RYR1: variants seen among roughly 807,000 people sequenced by gnomAD.
The protein encoded by RYR1 is ryanodine receptor 1, also known as central core disease of muscle.
RYR1 carries 342 observed loss-of-function variants against 583.5 expected under a neutral mutation model. The observed-to-expected ratio is 0.59, with a 90% CI of 0.54 to 0.64. The LOEUF is 0.64. RYR1 is among the 30% of genes least tolerant of loss of function. The pLI, the probability that RYR1 is intolerant of heterozygous loss-of-function variation, is 0.00. For synonymous variants in RYR1, 2,791 were observed against 2,822.5 expected, an observed-to-expected ratio of 0.99 and a Z score of 0.35; for missense variants, 6,032 against 6,917.2, an observed-to-expected ratio of 0.87 and a Z score of 4.54.
At chr19:38,514,928 C>A in intron 63 of RYR1, 98 bp from the exon 64 acceptor site, 2 of 794,012 alleles carry the variant, frequency 2.5e-6, no homozygotes, top group Non-Finnish European at 4.3e-6. Context: ...TCTGCTTGCT[C>A]TTCCCCACTG....
At chr19:38,533,083 G>A (rs1023790157) in intron 78 of RYR1, among the ~76,000 whole-genome samples, 1 of 151,954 alleles carries the variant, frequency 6.6e-6, no homozygotes. Context: ...GGATAAAGCA[G>A]CCCAAACAAG....
At position 38,537,902 on chromosome 19, in the gene RYR1, T is replaced by A; in HGVS notation, c.11631T>A (p.Asp3877Glu). ...TAGGAGAGAAGGTCATGGCGGATGA[T>A]GAATTCACACAAGACCTGTTCCGAT... ...RQNGEKVMADDEFTQDLFRFL... is the reference protein window; with the variant it reads ...RQNGEKVMADEEFTQDLFRFL... The change falls in exon 84 of 106, where the codon GAT becomes GAA. Residue 3877 changes from aspartate to glutamate, a missense_variant. Transcript: ENST00000359596. The A allele has an allele frequency of 6.2e-7, 1 of 1,614,004 alleles. No individual in the cohort carries two copies. The highest frequency in any genetic ancestry group is 8.5e-7 in the Non-Finnish European group (1 of 1,180,020).
At chr19:38,557,474 C>G (rs1972931020) in intron 89 of RYR1, among the ~76,000 whole-genome samples, 1 of 152,198 alleles carries the variant, frequency 6.6e-6, no homozygotes, top group South Asian at 2.1e-4. Context: ...GGCGGAAGGC[C>G]TTCTGCAGGA....
At chr19:38,443,933 C>T (rs529296606) in intron 5 of RYR1, 137 bp downstream of exon 5, 15 of 872,632 alleles carry the variant, frequency 1.7e-5, no homozygotes, top group African/African-American at 5.0e-5. Context: ...AGAGAGTCTG[C>T]GGTACAGTCC....
intron 29 of RYR1, among the ~76,000 whole-genome samples, chr19:38,476,418 C>T (rs1205511205): frequency 1.3e-5 from 2 of 152,146 alleles, no homozygotes; most frequent in African/African-American, 4.8e-5. Context: ...AGGCTGGTCT[C>T]AAACTCCTGA....
chr19:38,450,081 C>T (rs1289570932), intron 11 of RYR1, among the ~76,000 whole-genome samples: 1 of 152,094 alleles, frequency 6.6e-6, no homozygotes, highest in Admixed American at 6.6e-5. Flanking sequence ...AGATTTTGAG[C>T]AGGGCAGGGA....
At chr19:38,471,341 C>A (rs1259723078) in intron 27 of RYR1, among the ~76,000 whole-genome samples, 1 of 152,028 alleles carries the variant, frequency 6.6e-6, no homozygotes, top group African/African-American at 2.4e-5. Context: ...CCAGCCTGGG[C>A]AACATAGCAA....
rs1972808730 is a variant in RYR1 at position 38,443,810 on chromosome 19, AG to A, written c.424+18del. Reference sequence around the variant, plus strand: ...AGGACGCAACAGGTGCAGCAGCTGGAGGGGATGGGGGTGTGAAGGGGCCCCG... The same window carrying A: ...AGGACGCAACAGGTGCAGCAGCTGGAGGGATGGGGGTGTGAAGGGGCCCCG... On this transcript the variant is annotated intron_variant, in intron 5 of 105. Coordinates refer to ENST00000359596, the MANE Select transcript of RYR1 (RefSeq NM_000540.3). 3.1e-6 allele frequency: 5 copies of A among 1,613,720 alleles called. No individual in the cohort carries two copies. The East Asian group carries it at 1.1e-4, about 36-fold the overall frequency.
chr19:38,559,678 A>G (rs1364408225), intron 89 of RYR1, among the ~76,000 whole-genome samples: 1 of 152,094 alleles, frequency 6.6e-6, no homozygotes, highest in East Asian at 1.9e-4. Context: ...ATGATTTGCA[A>G]AGCATGTTAC....
chr19:38,512,637 T>C lies in RYR1; in HGVS notation c.9472+154T>C, dbSNP rs963386118. Among the ~76,000 whole-genome samples the C allele has an allele frequency of 2.6e-5, 4 of 151,816 alleles. No individual in the cohort carries two copies. Among genetic ancestry groups the C allele is most frequent in the African/African-American group, 9.7e-5 (4 of 41,316 alleles). ...AGTACCTTGGCAGGTGGCAAATGAG[T>C]TAATGAGGACGCGAGCTCAGCAGCT... On this transcript the variant is annotated intron_variant, in intron 63 of 105. Transcript: ENST00000359596. The surrounding 1 kb of genome is among the most constrained non-coding windows in gnomAD (Gnocchi z 5.1).
chr19:38,587,272 G>A, intron 105 of RYR1, 53 bp from the exon 106 acceptor site: 1 of 1,143,074 alleles, frequency 8.7e-7, no homozygotes, highest in Non-Finnish European at 1.3e-6. Context: ...ATATATATAT[G>A]TCTCAAGGGT....
intron 1 of RYR1, among the ~76,000 whole-genome samples, 163 bp from the exon 2 acceptor site, chr19:38,440,582 A>G (rs1054917718): frequency 6.6e-6 from 1 of 152,220 alleles, no homozygotes; most frequent in Non-Finnish European, 1.5e-5. Context: ...GCTGGCTTGT[A>G]TCTCAAGGAG....
chr19:38,448,872 G>A, intron 11 of RYR1, 59 bp downstream of exon 11: 2 of 1,514,660 alleles, frequency 1.3e-6, no homozygotes, highest in Admixed American at 3.7e-5. Context: ...GAGTCCAGGA[G>A]GTCAAGGCTG....
chr19:38,551,472 C>G (rs1420184962), intron 89 of RYR1, among the ~76,000 whole-genome samples: 3 of 152,026 alleles, frequency 2.0e-5, no homozygotes, highest in Non-Finnish European at 4.4e-5. Flanking sequence ...CAAAGTGCCC[C>G]ATGCCTTCCA....
intron 28 of RYR1, among the ~76,000 whole-genome samples, 188 bp downstream of exon 28, chr19:38,473,959 G>A (rs1968578980): frequency 6.6e-6 from 1 of 152,144 alleles, no homozygotes; most frequent in African/African-American, 2.4e-5. Flanking sequence ...ATGCCCTAAT[G>A]TCCCCAAGAA....
chr19:38,512,046 C>T lies in RYR1; in HGVS notation c.9173-26C>T, dbSNP rs1385306619. 9.9e-6 allele frequency: 16 copies of T among 1,609,770 alleles called. No homozygotes were observed. The East Asian group carries it at 3.3e-4, about 34-fold the overall frequency. On this transcript the variant is annotated intron_variant, in intron 61 of 105. Transcript: ENST00000359596. The surrounding 1 kb of genome is among the most constrained non-coding windows in gnomAD (Gnocchi z 5.1). The stretch of plus-strand genomic sequence containing the variant: ...TCCTCTGTCCTCTTAGCCATGGCAT[C>T]CCCCCGGCCCATCTTCCTCTCCCAG...
intron 83 of RYR1, 46 bp downstream of exon 83, chr19:38,536,813 C>T (rs749115630): frequency 1.3e-6 from 2 of 1,599,378 alleles, no homozygotes; most frequent in African/African-American, 2.7e-5. Flanking sequence ...GTCACCCACC[C>T]CTCCTAACCC....
At chr19:38,536,608 C>T (rs1357024067) in intron 82 of RYR1, 142 bp from the exon 83 acceptor site, 2 of 950,584 alleles carry the variant, frequency 2.1e-6, no homozygotes, top group South Asian at 1.4e-5. Context: ...CTCTGCCTTT[C>T]TCTCTGTGGG....
intron 89 of RYR1, among the ~76,000 whole-genome samples, chr19:38,549,142 C>A (rs1490089201): frequency 6.6e-6 from 1 of 152,092 alleles, no homozygotes; most frequent in Non-Finnish European, 1.5e-5. Flanking sequence ...CATTCCAAGT[C>A]TAAATAATGA....
Sources: allele counts gnomAD v4.1 joint callset (sites outside exome capture counted in the v4.1 genomes callset), GRCh38; gene constraint gnomAD v4.1.1; non-coding constraint Gnocchi (gnomAD v3.1); transcripts MANE v1.5; gene names NCBI Gene and HGNC (gene_info 2026-07-23, HGNC 2026-07-21).